The following PP2D1 variants were observed in gnomAD, a reference collection of about 807,000 sequenced individuals.
The protein encoded by PP2D1 is protein phosphatase 2C-like domain-containing protein 1.
PP2D1 carries 25 observed loss-of-function variants against 30.2 expected under a neutral mutation model. The observed-to-expected ratio is 0.83, with a 90% CI of 0.60 to 1.16. The LOEUF is 1.16. PP2D1 is among the 50% of genes most tolerant of loss of function. The probability of loss-of-function intolerance (pLI) is 0.00; values close to 1 mark genes in which losing one functional copy is unlikely to be tolerated. For missense variants in PP2D1, 760 were observed against 742.4 expected (o/e 1.02, Z -0.28); for synonymous variants, 260 against 258.9 (o/e 1.00, Z -0.04).
chr3:19,980,621 A>T (rs1696907729), downstream of PP2D1, among the ~76,000 whole-genome samples: 1 of 152,192 alleles, frequency 6.6e-6, no homozygotes, highest in Non-Finnish European at 1.5e-5. Flanking sequence ...CTTAGGGAAC[A>T]TGCTAAAGGG....
At chr3:19,999,431 G>A (rs1470599307) in intron 2 of PP2D1, among the ~76,000 whole-genome samples, 1 of 150,986 alleles carries the variant, frequency 6.6e-6, no homozygotes, top group Non-Finnish European at 1.5e-5. Context: ...GCCCAGTCTG[G>A]AGTGCAGTGG....
intron 1 of PP2D1, 92 bp downstream of exon 1, chr3:20,011,958 C>T (rs1360911775): frequency 1.0e-6 from 1 of 976,470 alleles, no homozygotes; most frequent in Admixed American, 2.2e-5. Flanking sequence ...AAGGTTTCAT[C>T]TGATAATTAA....
At chr3:19,993,630 G>A (rs1189163358) in intron 2 of PP2D1, among the ~76,000 whole-genome samples, 1 of 152,178 alleles carries the variant, frequency 6.6e-6, no homozygotes, top group Non-Finnish European at 1.5e-5. Context: ...CTCCTTGGGA[G>A]GCTGAGGCAG....
intron 2 of PP2D1, among the ~76,000 whole-genome samples, chr3:19,994,964 A>C (rs1462928857): frequency 6.6e-6 from 1 of 152,238 alleles, no homozygotes; most frequent in Non-Finnish European, 1.5e-5. Context: ...TTCCTGTTCC[A>C]ACCAGCCAGA....
intron 1 of PP2D1, among the ~76,000 whole-genome samples, chr3:20,003,869 A>C (rs2948104): frequency 6.6e-6 from 1 of 152,086 alleles, no homozygotes; most frequent in African/African-American, 2.4e-5. Flanking sequence ...CAGCTGTACA[A>C]TGTTTTTGTC....
At chr3:19,981,394 A>C (rs1361755704), downstream of PP2D1, among the ~76,000 whole-genome samples, 1 of 152,098 alleles carries the variant, frequency 6.6e-6, no homozygotes, top group African/African-American at 2.4e-5. Flanking sequence ...CTATCACCTG[A>C]GGTCAGGAGT....
chr3:19,983,727 T>C, downstream of PP2D1: 1 of 1,610,664 alleles, frequency 6.2e-7, no homozygotes, highest in Non-Finnish European at 8.5e-7. Context: ...TGCCAAAGAA[T>C]GAACCACAAA....
chr3:20,001,223 A>AAGACCT lies in PP2D1; in HGVS notation c.891_896dup (p.Leu299_Gly300dup). 1 of 1,535,512 alleles carries AAGACCT rather than the reference A, an allele frequency of 6.5e-7. No homozygotes were observed. On this transcript the variant is annotated inframe_insertion, in exon 2 of 3. Coordinates refer to ENST00000389050, the MANE Select transcript of PP2D1 (RefSeq NM_001252657.2). ...GAACCCTGGACACTTCTTTTCTTCC[A>AAGACCT]AGACCTAAAAGCCTATCCATTCTCC...
intron 2 of PP2D1, among the ~76,000 whole-genome samples, chr3:19,999,180 C>T (rs1697220126): frequency 7.2e-6 from 1 of 138,238 alleles, no homozygotes; most frequent in Non-Finnish European, 1.5e-5. Flanking sequence ...CCTGGGTTCA[C>T]ACCATTCTCC....
intron 1 of PP2D1, among the ~76,000 whole-genome samples, chr3:20,007,072 A>ATGTTCACCTGGGCC (rs949642315): frequency 6.6e-5 from 10 of 151,564 alleles, no homozygotes; most frequent in Admixed American, 6.6e-4. Flanking sequence ...AGTTTTCACC[A>ATGTTCACCTGGGCC]TGTTGGCCCA....
rs1697260568 is a variant in PP2D1 at position 20,001,929 on chromosome 3, A to G, written c.191T>C (p.Leu64Ser). 4 of 1,536,358 alleles carry G rather than the reference A, an allele frequency of 2.6e-6. No homozygotes were observed. The highest frequency in any genetic ancestry group is 1.4e-5 in the African/African-American group (1 of 73,150). The part of the protein sequence containing the change: ...EEQVYEQGTT[L>S]PCSICKHEID... ...TTCGTGCTTGCATATGGAACAGGGT[A>G]ATGTGGTCCCTTGCTCATAGACCTG... The change falls in exon 2 of 3, where the codon TTA (leucine) becomes TCA (serine). Residue 64 changes from leucine (L) to serine (S), a missense_variant. This residue lies in a region of PP2D1 where 374 missense variants were observed against 388.8 expected (regional missense o/e 0.96). Transcript: ENST00000389050.
intron 2 of PP2D1, among the ~76,000 whole-genome samples, chr3:19,997,566 C>T (rs142066518): frequency 8.9e-4 from 136 of 152,212 alleles, no homozygotes; most frequent in African/African-American, 2.9e-3. Flanking sequence ...TGCACCCCCA[C>T]GTTTTATGCA....
At chr3:19,987,379 T>C (rs1284868923) in intron 2 of PP2D1, among the ~76,000 whole-genome samples, 2 of 152,174 alleles carry the variant, frequency 1.3e-5, no homozygotes, top group Non-Finnish European at 2.9e-5. Context: ...AATTACATAT[T>C]GTTTTTCTTG....
chr3:19,996,601 A>G (rs1380396368), intron 2 of PP2D1, among the ~76,000 whole-genome samples: 1 of 152,226 alleles, frequency 6.6e-6, no homozygotes, highest in East Asian at 1.9e-4. Flanking sequence ...CATTACCTGG[A>G]TACCAAAATC....
Position 19,985,890 on chromosome 3 carries a change from C to T in PP2D1, c.1383G>A (p.Leu461=). 1 of 1,536,346 alleles carries T rather than the reference C, an allele frequency of 6.5e-7. No homozygotes were observed. Among genetic ancestry groups the T allele is most frequent in the Non-Finnish European group, 8.7e-7 (1 of 1,146,946 alleles). ...CCAGGGCAGTAACTTCCTCTTTATC[C>T]AAAACTTCCCAAAGTCCATTAGTAG... ...IVATNGLWEV[L]DKEEVTALAM... Residue 461 remains leucine, a synonymous_variant, in exon 3 of 3, where the codon TTG becomes TTA. Coordinates refer to ENST00000389050, the MANE Select transcript of PP2D1 (RefSeq NM_001252657.2).
chr3:20,010,615 G>A lies in PP2D1; in HGVS notation c.23+1435C>T, dbSNP rs377586490. The stretch of plus-strand genomic sequence containing the variant: ...TCGGGAGTTCGAGACTAGCCTGACC[G>A]ACATAGAGAAACCCCATCTGTACTA... On this transcript the variant is annotated intron_variant, in intron 1 of 2. Coordinates refer to ENST00000389050, the MANE Select transcript of PP2D1 (RefSeq NM_001252657.2). 4.2e-4 allele frequency among the ~76,000 whole-genome samples: 63 copies of A among 151,784 alleles called. 1 individual carries two copies. In the South Asian group the frequency reaches 0.013, roughly 31 times the overall value.
chr3:19,987,465 A>G (rs1215164206), intron 2 of PP2D1, among the ~76,000 whole-genome samples: 1 of 152,210 alleles, frequency 6.6e-6, no homozygotes, highest in Non-Finnish European at 1.5e-5. Context: ...ATATTATAAC[A>G]TCTTTGAGAT....
chr3:19,985,835 T>G lies in PP2D1; in HGVS notation c.1438A>C (p.Thr480Pro). The G allele has an allele frequency of 6.5e-7, 1 of 1,536,228 alleles. No individual in the cohort carries two copies. Among genetic ancestry groups the G allele is most frequent in the Non-Finnish European group, 8.7e-7 (1 of 1,146,890 alleles). The stretch of plus-strand genomic sequence containing the variant: ...TTGTTAGGTATGATAGGACAGTATG[T>G]TTCTTTATACATGTGAAATGTTGTC... ...AMTTFHMYKE[T>P]YCPIIPNKSP... The change falls in exon 3 of 3, where the codon ACA becomes CCA. Residue 480 changes from threonine (T) to proline (P), a missense_variant. By Grantham distance (38) the Thr-to-Pro change is conservative (BLOSUM62 -1). Coordinates refer to ENST00000389050, the MANE Select transcript of PP2D1 (RefSeq NM_001252657.2).
At chr3:19,981,613 C>CAA (rs11307995), downstream of PP2D1, among the ~76,000 whole-genome samples, 3,794 of 138,966 alleles carry the variant, frequency 0.027, 149 homozygotes, top group African/African-American at 0.092. Flanking sequence ...GACTCCGCCT[C>CAA]AAAAAAAAAA....
Sources: gnomAD v4.1 joint callset for allele counts (sites outside exome capture counted in the v4.1 genomes callset) on GRCh38, gnomAD v4.1.1 for gene constraint, gnomAD v4.1.1 regional missense constraint, MANE v1.5 for transcripts, NCBI Gene and HGNC (gene_info 2026-07-23, HGNC 2026-07-21) for gene names.